Variants in SYT6 observed in about 807,000 individuals in gnomAD.
The protein encoded by SYT6 is synaptotagmin 6, also known as synaptotagmin-6.
Under a neutral mutation model 38.4 loss-of-function variants are expected in SYT6, and 24 were observed. The ratio of observed to expected loss-of-function variants is 0.62; its 90% CI spans 0.45 to 0.88. The LOEUF (loss-of-function observed/expected upper bound fraction) is 0.88. Among genes scored for constraint, SYT6 ranks in the 40% least tolerant of loss-of-function variants. SYT6 has a pLI of 0.00. For missense variants in SYT6, 611 were observed against 621.0 expected (o/e 0.98, Z 0.17); for synonymous variants, 265 against 241.9 (o/e 1.10, Z -0.89).
At chr1:114,092,311 A>ACTCTCTCTCTCTCTCT (rs35257020) in intron 7 of SYT6, among the ~76,000 whole-genome samples, 9 of 133,434 alleles carry the variant, frequency 6.7e-5, no homozygotes, top group African/African-American at 2.5e-4. Flanking sequence ...AGCTTTCTTA[A>ACTCTCTCTCTCTCTCT]CTCTCTCTCT....
At chr1:114,105,084 A>C (rs1676206875) in intron 3 of SYT6, among the ~76,000 whole-genome samples, 1 of 152,130 alleles carries the variant, frequency 6.6e-6, no homozygotes, top group African/African-American at 2.4e-5. Context: ...AAAGGAGGTA[A>C]GTATATAAGT....
intron 5 of SYT6, 81 bp from the exon 6 acceptor site, chr1:114,097,958 C>G (rs1262795728): frequency 2.6e-6 from 4 of 1,528,188 alleles, no homozygotes; most frequent in Non-Finnish European, 3.6e-6. Context: ...GGTGGTAGGA[C>G]TCTGCCCGAT....
intron 3 of SYT6, among the ~76,000 whole-genome samples, chr1:114,106,714 C>G (rs931404773): frequency 3.3e-5 from 5 of 152,096 alleles, no homozygotes; most frequent in African/African-American, 1.2e-4. Context: ...TGCCCCCACA[C>G]CACACCCCCA....
At chr1:114,121,144 TCATCTGAGAAGAC>T (rs541664133) in intron 3 of SYT6, among the ~76,000 whole-genome samples, 2 of 152,294 alleles carry the variant, frequency 1.3e-5, no homozygotes, top group South Asian at 4.2e-4. Flanking sequence ...CTCAACCTCA[TCATCTGAGAAGAC>T]CATGGCCCCT....
intron 1 of SYT6, among the ~76,000 whole-genome samples, chr1:114,146,786 C>A (rs560660506): frequency 1.1e-4 from 17 of 152,290 alleles, no homozygotes; most frequent in African/African-American, 3.6e-4. Flanking sequence ...AACAGTCTAC[C>A]TCTACTAGTT....
chr1:114,120,895 G>C (rs6674121), intron 3 of SYT6, among the ~76,000 whole-genome samples: 2,627 of 152,326 alleles, frequency 0.017, 76 homozygotes, highest in African/African-American at 0.06. Context: ...GACACCCAGG[G>C]TTGTGTGGCT....
At chr1:114,136,472 C>T (rs1390424477) in intron 3 of SYT6, among the ~76,000 whole-genome samples, 2 of 152,336 alleles carry the variant, frequency 1.3e-5, no homozygotes, top group East Asian at 3.9e-4. Flanking sequence ...AGAGAGAGGA[C>T]ACTAGCTATA....
At chr1:114,143,763 TG>T (rs1161169241) in intron 1 of SYT6, among the ~76,000 whole-genome samples, 4 of 152,116 alleles carry the variant, frequency 2.6e-5, no homozygotes, top group Non-Finnish European at 4.4e-5. Flanking sequence ...GCTGTAAAAC[TG>T]GTATTTTAAA....
chr1:114,129,120 T>G (rs1014972649), intron 3 of SYT6, among the ~76,000 whole-genome samples: 1 of 152,212 alleles, frequency 6.6e-6, no homozygotes, highest in African/African-American at 2.4e-5. Context: ...GCATCCCAAG[T>G]TGCTCGGACT....
In SYT6 at chr1:114,128,136, C is replaced by T. The variant is rs751324204; in HGVS notation, c.1071+9359G>A. Among the ~76,000 whole-genome samples, 45 of 152,328 alleles carry T rather than the reference C, an allele frequency of 3.0e-4. 1 individual carries two copies. Among genetic ancestry groups the T allele is most frequent in the Admixed American group, 1.4e-3 (22 of 15,306 alleles). On this transcript the variant is annotated intron_variant, in intron 3 of 7. Transcript: ENST00000610222. ...GGGGAGCAGTCTTCATGGGTTTGGG[C>T]AGGCCACCCAGGCCCCCAGACTCAG...
chr1:114,124,747 G>A (rs1310057534), intron 3 of SYT6, among the ~76,000 whole-genome samples: 1 of 152,214 alleles, frequency 6.6e-6, no homozygotes, highest in Non-Finnish European at 1.5e-5. Context: ...AACCCAGGAA[G>A]AGGCAGGACG....
At chr1:114,099,044 T>C in intron 5 of SYT6, 50 bp downstream of exon 5, 1 of 1,558,268 alleles carries the variant, frequency 6.4e-7, no homozygotes, top group Non-Finnish European at 8.7e-7. Flanking sequence ...GTGCTGGTGC[T>C]GGAGTGGGAG....
rs776030947 is a variant in SYT6 at position 114,137,637 on chromosome 1, C to G, written c.929G>C (p.Arg310Pro). 1.9e-6 allele frequency: 3 copies of G among 1,614,126 alleles called. No individual in the cohort carries two copies. Among genetic ancestry groups the G allele is most frequent in the Non-Finnish European group, 2.5e-6 (3 of 1,180,016 alleles). ...GTCGAAGACACTGAGATGCAGCTTG[C>G]GGTCAGCCAGCTCCTCATAGGGCAC... ...FPVPYEELAD[R>P]KLHLSVFDFD... The change falls in exon 3 of 8, where the codon CGC becomes CCC. Residue 310 changes from arginine (R) to proline (P), a missense_variant. By Grantham distance (103) the Arg-to-Pro change is moderately radical. Transcript: ENST00000610222.
intron 1 of SYT6, among the ~76,000 whole-genome samples, 200 bp from the exon 2 acceptor site, chr1:114,140,163 G>A (rs778211062): frequency 2.0e-5 from 3 of 152,096 alleles, no homozygotes; most frequent in Non-Finnish European, 4.4e-5. Context: ...AGTATGTACA[G>A]CCTTGTGTTC....
intron 3 of SYT6, among the ~76,000 whole-genome samples, chr1:114,110,087 T>A (rs1037646644): frequency 6.6e-6 from 1 of 152,174 alleles, no homozygotes; most frequent in African/African-American, 2.4e-5. Context: ...TAGCCCATAC[T>A]TGGGAGTTTG....
At chr1:114,138,429 T>G (rs1678643628) in intron 2 of SYT6, among the ~76,000 whole-genome samples, 1 of 152,338 alleles carries the variant, frequency 6.6e-6, no homozygotes, top group Admixed American at 6.5e-5. Context: ...CCATCCCTTC[T>G]TATCCTCAAT....
At chr1:114,134,193 C>T (rs1395526053) in intron 3 of SYT6, among the ~76,000 whole-genome samples, 2 of 152,122 alleles carry the variant, frequency 1.3e-5, no homozygotes, top group African/African-American at 4.8e-5. Context: ...GGCTGGTTAC[C>T]CCAGACACAA....
intron 3 of SYT6, among the ~76,000 whole-genome samples, chr1:114,119,895 C>T (rs1231519369): frequency 3.3e-5 from 5 of 152,078 alleles, no homozygotes; most frequent in Admixed American, 2.0e-4. Flanking sequence ...CACAGTGGAA[C>T]GCTGTCTCTA....
In SYT6 at chr1:114,093,799, T is replaced by C. The variant is rs1266501111; in HGVS notation, c.1520A>G (p.Asn507Ser). ...VEVKKSFKEG[N>S]PRL ...ACGTGAATGAAATCACAACCGAGGG[T>C]TTCCCTGGTGAAATATTTTAGATAA... The change falls in exon 7 of 8, where the codon AAC (asparagine) becomes AGC (serine). Residue 507 changes from asparagine to serine, a missense_variant. By Grantham distance (46) the Asn-to-Ser change is conservative (BLOSUM62 1). Coordinates refer to ENST00000610222, the MANE Select transcript of SYT6 (RefSeq NM_001253772.2). The C allele has an allele frequency of 3.1e-6, 5 of 1,614,002 alleles. No individual in the cohort carries two copies. The highest frequency in any genetic ancestry group is 4.2e-6 in the Non-Finnish European group (5 of 1,179,958).
Sources: gnomAD v4.1 joint callset for allele counts (sites outside exome capture counted in the v4.1 genomes callset) on GRCh38, gnomAD v4.1.1 for gene constraint, MANE v1.5 for transcripts, NCBI Gene and HGNC (gene_info 2026-07-23, HGNC 2026-07-21) for gene names.